NEDD4L: variants seen among roughly 807,000 people sequenced by gnomAD.
NEDD4L encodes NEDD4 like E3 ubiquitin protein ligase.
Under a neutral mutation model 148.9 loss-of-function variants are expected in NEDD4L, and 54 were observed. The ratio of observed to expected loss-of-function variants is 0.36; its 90% CI spans 0.29 to 0.45. NEDD4L has a LOEUF of 0.45. NEDD4L is among the 20% of genes least tolerant of loss of function. The probability of loss-of-function intolerance (pLI) is 1.00; values close to 1 mark genes in which losing one functional copy is unlikely to be tolerated. For synonymous variants in NEDD4L, 433 were observed against 440.7 expected (o/e 0.98, Z 0.22); for missense variants, 856 against 1,233.8 (o/e 0.69, Z 4.59).
At chr18:58,125,958 G>A (rs977198078) in intron 1 of NEDD4L, among the ~76,000 whole-genome samples, 2 of 152,236 alleles carry the variant, frequency 1.3e-5, no homozygotes, top group African/African-American at 4.8e-5. Context: ...CCGTCTGCCT[G>A]GCGCACGCAC....
At chr18:58,205,484 A>AGG (rs1193165117) in intron 2 of NEDD4L, among the ~76,000 whole-genome samples, 4 of 150,986 alleles carry the variant, frequency 2.6e-5, no homozygotes, top group Non-Finnish European at 5.9e-5. Flanking sequence ...TTTTGACTAG[A>AGG]GGGGTGTGTG....
rs553770057 is a variant in NEDD4L at position 58,323,852 on chromosome 18, T to C, written c.513+518T>C. On this transcript the variant is annotated intron_variant, in intron 8 of 30. Transcript: ENST00000400345. Reference sequence around the variant, plus strand: ...TCCTTCCTGACAGAGCCGCCTGTATTTACCTTGTCACAGACTGATGCTGTG... The same window carrying C: ...TCCTTCCTGACAGAGCCGCCTGTATCTACCTTGTCACAGACTGATGCTGTG... 4.9e-4 allele frequency among the ~76,000 whole-genome samples: 74 copies of C among 152,318 alleles called. 1 individual carries two copies. The South Asian group carries it at 0.015, about 30-fold the overall frequency.
chr18:58,162,173 C>A (rs1338895127), intron 1 of NEDD4L, among the ~76,000 whole-genome samples: 2 of 152,190 alleles, frequency 1.3e-5, no homozygotes, highest in Non-Finnish European at 2.9e-5. Flanking sequence ...ACAGCAGCCA[C>A]AGTGGTTCTT....
chr18:58,104,720 A>G (rs1911071918), intron 1 of NEDD4L, among the ~76,000 whole-genome samples: 1 of 152,210 alleles, frequency 6.6e-6, no homozygotes, highest in Admixed American at 6.5e-5. Context: ...AAAATTTTTA[A>G]GAAGTCACAG....
intron 19 of NEDD4L, among the ~76,000 whole-genome samples, chr18:58,363,420 C>G (rs2045737677): frequency 6.6e-6 from 1 of 152,146 alleles, no homozygotes; most frequent in Non-Finnish European, 1.5e-5. Context: ...TAGTTAATGT[C>G]TGTGTATATG....
At chr18:58,137,272 T>C (rs1234383400) in intron 1 of NEDD4L, among the ~76,000 whole-genome samples, 1 of 152,202 alleles carries the variant, frequency 6.6e-6, no homozygotes, top group Non-Finnish European at 1.5e-5. Context: ...AAAACCATAT[T>C]GTAAGGCCCA....
chr18:58,150,959 T>C (rs1260768066), intron 1 of NEDD4L, among the ~76,000 whole-genome samples: 1 of 152,224 alleles, frequency 6.6e-6, no homozygotes, highest in Non-Finnish European at 1.5e-5. Context: ...AAAAGGACTT[T>C]GAACTTTGGC....
At chr18:58,051,115 G>A (rs987568619) in intron 1 of NEDD4L, among the ~76,000 whole-genome samples, 8 of 152,156 alleles carry the variant, frequency 5.3e-5, no homozygotes, top group African/African-American at 1.9e-4. Flanking sequence ...AAACTTAGTT[G>A]CGTGTTGTGG....
chr18:58,308,384 CTG>C (rs1156953934), intron 5 of NEDD4L, among the ~76,000 whole-genome samples: 29 of 152,332 alleles, frequency 1.9e-4, no homozygotes, highest in African/African-American at 6.7e-4. Flanking sequence ...TTCTAAGAAG[CTG>C]TCAGTGGCAT....
At chr18:58,321,299 C>T (rs2058748526) in intron 6 of NEDD4L, among the ~76,000 whole-genome samples, 1 of 152,212 alleles carries the variant, frequency 6.6e-6, no homozygotes, top group Non-Finnish European at 1.5e-5. Flanking sequence ...CCTGGGATCT[C>T]ACACTTGGAT....
chr18:58,393,695 G>C (rs949477879), intron 30 of NEDD4L, among the ~76,000 whole-genome samples: 1 of 152,180 alleles, frequency 6.6e-6, no homozygotes, highest in Non-Finnish European at 1.5e-5. Context: ...ATAGGAAACA[G>C]AAACTTCACT....
intron 2 of NEDD4L, among the ~76,000 whole-genome samples, chr18:58,205,212 T>C (rs775816037): frequency 2.1e-4 from 32 of 152,212 alleles, no homozygotes; most frequent in Non-Finnish European, 3.4e-4. Context: ...CTAATATAGT[T>C]TTGTGGTCAC....
At chr18:58,357,314 T>C (rs1198807198) in intron 19 of NEDD4L, 62 bp downstream of exon 19, 2 of 1,365,814 alleles carry the variant, frequency 1.5e-6, no homozygotes, top group Non-Finnish European at 2.1e-6. Flanking sequence ...TACGTGTTTC[T>C]TGTGTATTAC....
intron 2 of NEDD4L, among the ~76,000 whole-genome samples, chr18:58,217,071 C>T (rs975520173): frequency 2.0e-5 from 3 of 152,206 alleles, no homozygotes; most frequent in Non-Finnish European, 4.4e-5. Context: ...GGAGACCTTT[C>T]CCCCTTCTTG....
intron 1 of NEDD4L, among the ~76,000 whole-genome samples, chr18:58,118,810 T>G (rs1353747132): frequency 3.9e-5 from 6 of 152,206 alleles, no homozygotes; most frequent in Non-Finnish European, 5.9e-5. Context: ...CTGTGTCCTG[T>G]GGGTGGGGGA....
At chr18:58,219,799 T>C (rs1181962187) in intron 2 of NEDD4L, among the ~76,000 whole-genome samples, 1 of 152,222 alleles carries the variant, frequency 6.6e-6, no homozygotes, top group Non-Finnish European at 1.5e-5. Flanking sequence ...GCAAATACAA[T>C]TAAGCCCATC....
chr18:58,246,897 G>T (rs770653562), intron 3 of NEDD4L, among the ~76,000 whole-genome samples: 8 of 152,136 alleles, frequency 5.3e-5, no homozygotes, highest in Non-Finnish European at 1.2e-4. Context: ...ATACTTGGCT[G>T]CATGTGGTGG....
chr18:58,389,860 G>C (rs942954547), intron 28 of NEDD4L, among the ~76,000 whole-genome samples: 4 of 151,282 alleles, frequency 2.6e-5, no homozygotes, highest in Admixed American at 6.6e-5. Context: ...TTAAAGATGG[G>C]GTCTCACTGT....
Position 58,256,631 on chromosome 18 carries a change from G to T in NEDD4L, c.297+4577G>T. On this transcript the variant is annotated intron_variant, in intron 5 of 30. Transcript: ENST00000400345. The surrounding 1 kb of genome is among the most constrained non-coding windows in gnomAD (Gnocchi z 5.2). The stretch of plus-strand genomic sequence containing the variant: ...CGCGGAGAGGACTCCGCAGGGCCAG[G>T]GGTGCACATTTAAGATCAGGCAGGA... The T allele has an allele frequency of 8.1e-7, 1 of 1,232,244 alleles. No individual in the cohort carries two copies. The highest frequency in any genetic ancestry group is 1.0e-6 in the Non-Finnish European group (1 of 988,038). The allele number at this position is 1,232,244 out of a possible 1,614,324, so 76.3% of individuals were successfully genotyped here.
Sources: gnomAD v4.1 joint callset for allele counts (sites outside exome capture counted in the v4.1 genomes callset) on GRCh38, gnomAD v4.1.1 for gene constraint, Gnocchi (gnomAD v3.1) non-coding constraint, MANE v1.5 for transcripts, NCBI Gene and HGNC (gene_info 2026-07-23, HGNC 2026-07-21) for gene names.